The following PACRGL variants were observed in gnomAD, a reference collection of about 807,000 sequenced individuals.
PACRGL encodes the protein PACRG-like protein.
In PACRGL, 38 loss-of-function variants were observed where a neutral mutation model predicts 34.5. That is an observed-to-expected ratio of 1.10 (90% CI 0.85 to 1.44). The LOEUF is 1.44. PACRGL is among the 40% of genes most tolerant of loss of function. The pLI is 0.00. For missense variants in PACRGL, 305 were observed against 281.4 expected, an observed-to-expected ratio of 1.08 and a Z score of -0.60; for synonymous variants, 128 against 100.1, an observed-to-expected ratio of 1.28 and a Z score of -1.66.
rs76783569 is a variant in PACRGL, at chr4:20,700,541, G to T, written c.-263G>T. The T allele has an allele frequency of 0.062, 9,409 of 152,230 alleles. 441 individuals carry two copies. The highest frequency in any genetic ancestry group is 0.13 in the Middle Eastern group (37 of 292). The allele number at this position is 152,230 out of a possible 1,614,324, so 9.4% of individuals were successfully genotyped here. ...CGGTCATAAGCCCCCCCCGGTGGGG[G>T]GCAGCTGGTGTGCGGATCGCGGCGG... On this transcript the variant is annotated 5_prime_UTR_variant, in exon 1 of 9. Coordinates refer to ENST00000503585, the MANE Select transcript of PACRGL (RefSeq NM_001258345.3).
chr4:20,762,082 T>C, the PACRGL span, among the ~76,000 whole-genome samples: 1 of 152,134 alleles, frequency 6.6e-6, no homozygotes, highest in African/African-American at 2.4e-5. Context: ...TTATAAACAA[T>C]AGAAATTTAT....
At chr4:20,734,793 AAAAC>A (rs59030794), downstream of PACRGL, 13 of 981,814 alleles carry the variant, frequency 1.3e-5, 1 homozygote, top group South Asian at 7.8e-5. Flanking sequence ...AAAAACAAAA[AAAAC>A]AAATGATGTA....
At chr4:20,713,638 T>G in intron 7 of PACRGL, 99 bp downstream of exon 7, 1 of 964,254 alleles carries the variant, frequency 1.0e-6, no homozygotes, top group African/African-American at 1.6e-5. Context: ...ACTCAAAACC[T>G]TAAAAATCTC....
At chr4:20,700,068 C>CG (rs1405334997), upstream of PACRGL, among the ~76,000 whole-genome samples, 8 of 152,196 alleles carry the variant, frequency 5.3e-5, no homozygotes, top group South Asian at 2.1e-4. Flanking sequence ...CCTGAAGACT[C>CG]GGGGGGAGGA....
In PACRGL at chr4:20,742,176, T is replaced by C. The variant is rs1414602788; in HGVS notation, c.*57-10389T>C. On this transcript the variant is annotated intron_variant, in intron 8 of 8. Transcript: ENST00000507634. ...GCTGGTACCATTTCTTCTGAAAATA[T>C]TCCAATCAACAGAAAAAGAGGGAAT... Among the ~76,000 whole-genome samples the C allele has an allele frequency of 4.6e-5, 7 of 152,286 alleles. No individual in the cohort carries two copies. The East Asian group carries it at 7.7e-4, about 17-fold the overall frequency.
In PACRGL at chr4:20,727,463, ATGAATAGACAC is replaced by A; in HGVS notation, c.*128_*138del. The A allele has an allele frequency of 1.4e-6, 1 of 731,078 alleles. No individual in the cohort carries two copies. Among genetic ancestry groups the A allele is most frequent in the East Asian group, 2.6e-5 (1 of 38,146 alleles). The allele number at this position is 731,078 out of a possible 1,614,324, so 45.3% of individuals were successfully genotyped here. A position where few individuals can be genotyped will look rare whatever the true frequency, so the allele number is the denominator to read the frequency against. On this transcript the variant is annotated 3_prime_UTR_variant, in exon 9 of 9. Coordinates refer to ENST00000503585, the MANE Select transcript of PACRGL (RefSeq NM_001258345.3). ...ACCATTCATTATTTACTAGGTTAAG[ATGAATAGACAC>A]TGAATCAAAGTTATTCATCAACAAA... is the stretch of plus-strand genomic sequence containing the variant.
the PACRGL span, among the ~76,000 whole-genome samples, chr4:20,763,988 AT>A: frequency 3.0e-4 from 46 of 152,226 alleles, no homozygotes; most frequent in Non-Finnish European, 4.9e-4. Flanking sequence ...TTGAGCATGA[AT>A]TTTTTCATTA....
chr4:20,709,641 A>G (rs1405194077), intron 4 of PACRGL, 42 bp from the exon 5 acceptor site: 2 of 1,278,764 alleles, frequency 1.6e-6, no homozygotes, highest in Non-Finnish European at 2.2e-6. Context: ...TTAATATAGA[A>G]TTATATTTTT....
At chr4:20,737,147 A>G (rs1749808619), downstream of PACRGL, among the ~76,000 whole-genome samples, 1 of 152,202 alleles carries the variant, frequency 6.6e-6, no homozygotes, top group South Asian at 2.1e-4. Flanking sequence ...GTCAAGTGAG[A>G]GAAAAACAAG....
chr4:20,759,495 T>G, the PACRGL span, among the ~76,000 whole-genome samples: 1 of 152,170 alleles, frequency 6.6e-6, no homozygotes, highest in Non-Finnish European at 1.5e-5. Flanking sequence ...TGGCCTGGGC[T>G]TAATAGATCC....
chr4:20,734,544 C>T (rs944312743), downstream of PACRGL: 2 of 672,928 alleles, frequency 3.0e-6, no homozygotes, highest in Non-Finnish European at 4.7e-6. Context: ...AAAAACTTTT[C>T]AAATTAATAA....
chr4:20,711,334 T>C (rs1475743316), intron 5 of PACRGL, among the ~76,000 whole-genome samples: 3 of 152,202 alleles, frequency 2.0e-5, no homozygotes, highest in African/African-American at 7.2e-5. Flanking sequence ...TCTTTCTGTA[T>C]TGAGTAGATT....
At chr4:20,722,563 T>C (rs1263545322) in intron 7 of PACRGL, among the ~76,000 whole-genome samples, 1 of 152,220 alleles carries the variant, frequency 6.6e-6, no homozygotes, top group Non-Finnish European at 1.5e-5. Flanking sequence ...TGAGCCTTAG[T>C]GTCCAGGGTT....
downstream of PACRGL, among the ~76,000 whole-genome samples, chr4:20,735,317 T>C (rs2149276561): frequency 6.6e-6 from 1 of 152,188 alleles, no homozygotes; most frequent in East Asian, 1.9e-4. Flanking sequence ...TTGCCTCAAT[T>C]TTCGTATCTG....
At chr4:20,697,074 A>G (rs997000550), upstream of PACRGL, among the ~76,000 whole-genome samples, 6 of 152,206 alleles carry the variant, frequency 3.9e-5, no homozygotes, top group African/African-American at 1.2e-4. Flanking sequence ...GCTACCTTAT[A>G]TGCTCACTCA....
At chr4:20,715,222 A>G (rs1739296575) in intron 7 of PACRGL, among the ~76,000 whole-genome samples, 2 of 152,230 alleles carry the variant, frequency 1.3e-5, no homozygotes, top group South Asian at 2.1e-4. Context: ...GAATTGAACA[A>G]TGAGAACACA....
the PACRGL span, among the ~76,000 whole-genome samples, chr4:20,760,171 T>G: frequency 6.3e-4 from 96 of 152,274 alleles, no homozygotes; most frequent in African/African-American, 1.7e-3. Flanking sequence ...TAGTCTCTTT[T>G]AGTAGATTCT....
At position 20,731,396 on chromosome 4, in the gene PACRGL, C is replaced by T; in HGVS notation, c.*4055C>T. 1.0e-6 allele frequency: 1 copy of T among 985,230 alleles called. No homozygotes were observed. The highest frequency in any genetic ancestry group is 6.1e-5 in the Admixed American group (1 of 16,268). The allele number at this position is 985,230 out of a possible 1,614,324, so 61.0% of individuals were successfully genotyped here. A position where few individuals can be genotyped will look rare whatever the true frequency, so the allele number is the denominator to read the frequency against. ...GCCTTAACAATTTTTAACTGTGGTTCTGCCCACACATCAAGTCAAATAATT... is the reference window on the plus strand; with the variant it reads ...GCCTTAACAATTTTTAACTGTGGTTTTGCCCACACATCAAGTCAAATAATT... On this transcript the variant is annotated 3_prime_UTR_variant, in exon 9 of 9. Coordinates refer to ENST00000503585, the MANE Select transcript of PACRGL (RefSeq NM_001258345.3).
At chr4:20,740,694 A>G (rs907017166) in intron 8 of PACRGL, among the ~76,000 whole-genome samples, 6 of 152,220 alleles carry the variant, frequency 3.9e-5, no homozygotes, top group African/African-American at 1.4e-4. Context: ...AGCTAACATC[A>G]TAATGACAGG....
Sources: gnomAD v4.1 joint callset for allele counts (sites outside exome capture counted in the v4.1 genomes callset) on GRCh38, gnomAD v4.1.1 for gene constraint, MANE v1.5 for transcripts, NCBI Gene and HGNC (gene_info 2026-07-23, HGNC 2026-07-21) for gene names.